The following MARCHF10 variants were observed in gnomAD, a reference collection of about 807,000 sequenced individuals.
MARCHF10 encodes probable E3 ubiquitin-protein ligase MARCHF10.
In MARCHF10, 64 loss-of-function variants were observed where a neutral mutation model predicts 76.2. That is an observed-to-expected ratio of 0.84 (90% CI 0.69 to 1.03). The LOEUF (loss-of-function observed/expected upper bound fraction) is 1.03. MARCHF10 is among the 50% of genes least tolerant of loss of function. The probability of loss-of-function intolerance (pLI) is 0.00; values close to 1 mark genes in which losing one functional copy is unlikely to be tolerated. For synonymous variants in MARCHF10, 340 were observed against 357.5 expected, an observed-to-expected ratio of 0.95 and a Z score of 0.55; for missense variants, 875 against 958.0, an observed-to-expected ratio of 0.91 and a Z score of 1.14.
chr17:62,794,101 C>G (rs2092942650), intron 2 of MARCHF10, among the ~76,000 whole-genome samples: 1 of 145,276 alleles, frequency 6.9e-6, no homozygotes, highest in Admixed American at 6.9e-5. Context: ...CGCCACCACC[C>G]CCATCAACCA....
chr17:62,714,434 T>TA (rs1356832767), intron 8 of MARCHF10: 2 of 984,990 alleles, frequency 2.0e-6, no homozygotes, highest in East Asian at 2.3e-4. Context: ...CAACACATCC[T>TA]ACAAGAGACA....
At chr17:62,779,952 C>T (rs575705718) in intron 3 of MARCHF10, among the ~76,000 whole-genome samples, 3 of 152,330 alleles carry the variant, frequency 2.0e-5, no homozygotes, top group Non-Finnish European at 4.4e-5. Flanking sequence ...CAAAAACTAG[C>T]TGGGCGTGGT....
Position 62,712,221 on chromosome 17 carries a change from G to A in MARCHF10, c.2215-877C>T, listed in dbSNP as rs1288933836. 1.3e-5 allele frequency among the ~76,000 whole-genome samples: 2 copies of A among 152,230 alleles called. No homozygotes were observed. The highest frequency in any genetic ancestry group is 2.9e-5 in the Non-Finnish European group (2 of 68,044). Reference sequence around the variant, plus strand: ...GGGGTCTTGGGATGGGCCAGGCTGTGCTCACAAAGCCACCCAGCCCCCGGG... The same window carrying A: ...GGGGTCTTGGGATGGGCCAGGCTGTACTCACAAAGCCACCCAGCCCCCGGG... On this transcript the variant is annotated intron_variant, in intron 8 of 10. Transcript: ENST00000311269. The surrounding 1 kb of genome is among the most constrained non-coding windows in gnomAD (Gnocchi z 4.2).
intron 4 of MARCHF10, among the ~76,000 whole-genome samples, chr17:62,751,350 C>T (rs1599222544): frequency 6.6e-6 from 1 of 152,168 alleles, no homozygotes; most frequent in Non-Finnish European, 1.5e-5. Flanking sequence ...AGGTGGTTCA[C>T]AGACCAGCCA....
At chr17:62,730,403 C>T (rs186020431) in intron 6 of MARCHF10, among the ~76,000 whole-genome samples, 422 of 152,218 alleles carry the variant, frequency 2.8e-3, no homozygotes, top group Non-Finnish European at 2.6e-3. Context: ...TTAAAAAGAC[C>T]TTAGAACCTC....
intron 3 of MARCHF10, among the ~76,000 whole-genome samples, chr17:62,763,056 G>T (rs1054033200): frequency 2.6e-5 from 4 of 152,142 alleles, no homozygotes; most frequent in African/African-American, 9.7e-5. Flanking sequence ...GTGAACAATA[G>T]TATCTACCTT....
At chr17:62,770,073 T>G (rs2092413584) in intron 3 of MARCHF10, among the ~76,000 whole-genome samples, 1 of 152,214 alleles carries the variant, frequency 6.6e-6, no homozygotes, top group Non-Finnish European at 1.5e-5. Flanking sequence ...TTTATATCCA[T>G]GTGTGCTCAA....
At chr17:62,724,436 T>C (rs1377328102) in intron 7 of MARCHF10, among the ~76,000 whole-genome samples, 1 of 152,134 alleles carries the variant, frequency 6.6e-6, no homozygotes, top group East Asian at 1.9e-4. Flanking sequence ...CTTATCCCTA[T>C]TGCTAAAAGG....
intron 2 of MARCHF10, among the ~76,000 whole-genome samples, chr17:62,798,251 G>A (rs1483138772): frequency 1.3e-5 from 2 of 152,038 alleles, no homozygotes; most frequent in Non-Finnish European, 2.9e-5. Flanking sequence ...GAGAGCCAGG[G>A]AGATGAAGAG....
intron 9 of MARCHF10, among the ~76,000 whole-genome samples, chr17:62,710,632 C>T (rs956222852): frequency 1.4e-5 from 2 of 144,726 alleles, no homozygotes; most frequent in African/African-American, 5.2e-5. Flanking sequence ...AATCTCAGCT[C>T]ATTGCAACCT....
At chr17:62,786,401 A>C in intron 3 of MARCHF10, among the ~76,000 whole-genome samples, 1 of 149,090 alleles carries the variant, frequency 6.7e-6, no homozygotes, top group Non-Finnish European at 1.5e-5. Context: ...GGGCTGGGGG[A>C]GGGATAGCAT....
intron 10 of MARCHF10, chr17:62,704,948 T>TC: frequency 5.3e-6 from 2 of 379,230 alleles, no homozygotes; most frequent in Non-Finnish European, 6.9e-6. Context: ...CTCCAGTCGT[T>TC]TTTTTTTTTT....
chr17:62,782,209 T>C (rs1007077546), intron 3 of MARCHF10, among the ~76,000 whole-genome samples: 3 of 152,092 alleles, frequency 2.0e-5, no homozygotes, highest in Non-Finnish European at 4.4e-5. Context: ...ATGCCAGCCT[T>C]CTTATTCACA....
chr17:62,701,617 G>C lies in MARCHF10; in HGVS notation c.*86C>G. 1.2e-6 allele frequency: 2 copies of C among 1,608,886 alleles called. No homozygotes were observed. The highest frequency in any genetic ancestry group is 2.2e-5 in the East Asian group (1 of 44,814). On this transcript the variant is annotated 3_prime_UTR_variant, in exon 11 of 11. Coordinates refer to ENST00000311269, the MANE Select transcript of MARCHF10 (RefSeq NM_152598.4). ...ACGCTTTGGTTTCAGTTTCAGTAAAGAGGAGGAGGGAGGGAGGCACTTGGG... is the reference window on the plus strand; with the variant it reads ...ACGCTTTGGTTTCAGTTTCAGTAAACAGGAGGAGGGAGGGAGGCACTTGGG...
intron 8 of MARCHF10, among the ~76,000 whole-genome samples, chr17:62,714,814 C>T (rs536477284): frequency 1.5e-4 from 23 of 151,526 alleles, no homozygotes; most frequent in African/African-American, 4.6e-4. Flanking sequence ...GGTGTGATCT[C>T]GGCTCACTGC....
chr17:62,715,694 C>T (rs2090157675), intron 8 of MARCHF10, among the ~76,000 whole-genome samples: 1 of 152,208 alleles, frequency 6.6e-6, no homozygotes, highest in Non-Finnish European at 1.5e-5. Flanking sequence ...ACCGCCAGGT[C>T]CCTGGGGTCC....
chr17:62,709,407 A>T (rs1407095076), intron 9 of MARCHF10, among the ~76,000 whole-genome samples: 1 of 152,142 alleles, frequency 6.6e-6, no homozygotes, highest in Non-Finnish European at 1.5e-5. Flanking sequence ...CCCGGGAGGC[A>T]GAGGTTGCAG....
At chr17:62,747,979 T>A (rs2091764520) in intron 4 of MARCHF10, among the ~76,000 whole-genome samples, 1 of 152,236 alleles carries the variant, frequency 6.6e-6, no homozygotes, top group African/African-American at 2.4e-5. Context: ...GCTGACTTCT[T>A]CCCTGTGATA....
intron 4 of MARCHF10, among the ~76,000 whole-genome samples, chr17:62,745,665 G>A (rs995825111): frequency 2.6e-5 from 4 of 152,192 alleles, no homozygotes; most frequent in African/African-American, 9.7e-5. Flanking sequence ...CACTGTGTTG[G>A]GACGATATTC....
Sources: allele counts gnomAD v4.1 joint callset (sites outside exome capture counted in the v4.1 genomes callset), GRCh38; gene constraint gnomAD v4.1.1; non-coding constraint Gnocchi (gnomAD v3.1); transcripts MANE v1.5; gene names NCBI Gene and HGNC (gene_info 2026-07-23, HGNC 2026-07-21).